SLC8A1: variants seen among roughly 807,000 people sequenced by gnomAD.
SLC8A1 encodes solute carrier family 8 member A1.
In SLC8A1, 18 loss-of-function variants were observed where a neutral mutation model predicts 68.3. That is an observed-to-expected ratio of 0.26 (90% CI 0.18 to 0.39). The LOEUF is 0.39. SLC8A1 is among the 10% of genes least tolerant of loss of function. The pLI is 1.00. For missense variants in SLC8A1, 985 were observed against 1,156.7 expected, an observed-to-expected ratio of 0.85 and a Z score of 2.15; for synonymous variants, 475 against 415.5, an observed-to-expected ratio of 1.14 and a Z score of -1.74.
chr2:40,220,453 ATTGAGCGGCCT>A (rs1235724993), intron 2 of SLC8A1: 1 of 152,162 alleles, frequency 6.6e-6, no homozygotes, highest in East Asian at 1.9e-4. Flanking sequence ...AAGGTCCTAA[ATTGAGCGGCCT>A]TTGGGCACAG....
At chr2:40,430,834 G>T (rs1698118069) in intron 1 of SLC8A1, among the ~76,000 whole-genome samples, 1 of 152,000 alleles carries the variant, frequency 6.6e-6, no homozygotes, top group Non-Finnish European at 1.5e-5. Flanking sequence ...CCAACACAAG[G>T]CCTGGTGATT....
intron 2 of SLC8A1, among the ~76,000 whole-genome samples, chr2:40,311,393 T>C (rs2073640365): frequency 6.6e-6 from 1 of 151,766 alleles, no homozygotes; most frequent in Admixed American, 6.6e-5. Context: ...TAAAAATAAA[T>C]AAATTTTAAA....
At chr2:40,455,242 A>C (rs1480659860), upstream of SLC8A1, among the ~76,000 whole-genome samples, 2 of 152,248 alleles carry the variant, frequency 1.3e-5, no homozygotes, top group Non-Finnish European at 2.9e-5. Context: ...TCTAGTCTAT[A>C]GAAAATTTAG....
At chr2:40,318,598 C>T (rs890233165) in intron 2 of SLC8A1, among the ~76,000 whole-genome samples, 5 of 152,054 alleles carry the variant, frequency 3.3e-5, no homozygotes, top group African/African-American at 1.2e-4. Flanking sequence ...ATACAAACTG[C>T]CTCCAACCAT....
chr2:40,205,829 A>AG (rs924358409), intron 2 of SLC8A1, among the ~76,000 whole-genome samples: 8 of 151,552 alleles, frequency 5.3e-5, no homozygotes, highest in East Asian at 1.9e-4. Flanking sequence ...AAAAAAAAAA[A>AG]AAAGAAAAAG....
rs1347047117 is a variant in SLC8A1, at chr2:40,235,699, C to G, written c.1809-57844G>C. On this transcript the variant is annotated intron_variant, in intron 2 of 7. Transcript: ENST00000406785. ...TCTTTTAATGGTGATGTTAGGGTGT[C>G]AATTTTGGATCTTTCCTGCTTTCTC... 3.8e-3 allele frequency among the ~76,000 whole-genome samples: 573 copies of G among 151,688 alleles called. 8 individuals are homozygous for G. In the East Asian group the frequency reaches 0.058, roughly 15 times the overall value.
intron 2 of SLC8A1, among the ~76,000 whole-genome samples, chr2:40,375,020 C>G (rs1679347619): frequency 6.6e-6 from 1 of 152,066 alleles, no homozygotes; most frequent in Non-Finnish European, 1.5e-5. Context: ...GGAGAGCTCT[C>G]TACCTCTGGC....
chr2:40,448,214 G>A (rs1013811240), intron 1 of SLC8A1, among the ~76,000 whole-genome samples: 4 of 152,060 alleles, frequency 2.6e-5, no homozygotes, highest in Admixed American at 2.0e-4. Context: ...TGTGTAAAAC[G>A]TATTTTGTAA....
intron 2 of SLC8A1, among the ~76,000 whole-genome samples, chr2:40,389,204 T>C (rs751127046): frequency 6.6e-6 from 1 of 152,122 alleles, no homozygotes; most frequent in Non-Finnish European, 1.5e-5. Flanking sequence ...AGAGAGGCTA[T>C]ACGGACAATT....
At chr2:40,505,914 C>T (rs1241077288) in intron 1 of SLC8A1, among the ~76,000 whole-genome samples, 2 of 151,958 alleles carry the variant, frequency 1.3e-5, no homozygotes, top group African/African-American at 4.8e-5. Flanking sequence ...TTGAGTTAGC[C>T]TAATTTCAGT....
intron 2 of SLC8A1, among the ~76,000 whole-genome samples, chr2:40,181,443 A>T (rs71439279): frequency 0.021 from 3,166 of 152,324 alleles, 62 homozygotes; most frequent in African/African-American, 0.051. Context: ...TCAAAGATGA[A>T]GAAAAAGAAA....
At chr2:40,370,314 C>G (rs1677619240) in intron 2 of SLC8A1, among the ~76,000 whole-genome samples, 4 of 152,060 alleles carry the variant, frequency 2.6e-5, no homozygotes, top group Admixed American at 2.6e-4. Flanking sequence ...ACACCAGAAC[C>G]CTAGGGAATC....
chr2:40,249,760 C>A (rs941699834), intron 2 of SLC8A1, among the ~76,000 whole-genome samples: 3 of 152,138 alleles, frequency 2.0e-5, no homozygotes, highest in Admixed American at 6.6e-5. Flanking sequence ...AGAGGACTGA[C>A]AAGCTATAAT....
intron 1 of SLC8A1, among the ~76,000 whole-genome samples, chr2:40,495,155 T>C (rs1045360773): frequency 6.6e-6 from 1 of 152,030 alleles, no homozygotes; most frequent in African/African-American, 2.4e-5. Context: ...TGATGCATGA[T>C]TTCTTGTGTT....
At chr2:40,340,646 G>C (rs1388965085) in intron 2 of SLC8A1, among the ~76,000 whole-genome samples, 1 of 152,146 alleles carries the variant, frequency 6.6e-6, no homozygotes, top group Non-Finnish European at 1.5e-5. Flanking sequence ...TTAGGGTTAG[G>C]ATTTTTGATA....
chr2:40,349,300 G>C (rs190186233), intron 2 of SLC8A1, among the ~76,000 whole-genome samples: 3 of 152,100 alleles, frequency 2.0e-5, no homozygotes, highest in African/African-American at 7.2e-5. Flanking sequence ...GGTTACAGTC[G>C]ACACTTTGAA....
At chr2:40,398,257 C>T (rs1191555751) in intron 2 of SLC8A1, among the ~76,000 whole-genome samples, 1 of 152,168 alleles carries the variant, frequency 6.6e-6, no homozygotes, top group Non-Finnish European at 1.5e-5. Context: ...GCTGATCTGG[C>T]CTCCAGTTTG....
intron 2 of SLC8A1, among the ~76,000 whole-genome samples, chr2:40,238,488 A>G (rs378702): frequency 0.14 from 21,589 of 151,898 alleles, 1,942 homozygotes; most frequent in African/African-American, 0.23. Context: ...GCACCCACTG[A>G]CCTGTGCCCA....
intron 2 of SLC8A1, among the ~76,000 whole-genome samples, chr2:40,309,984 C>T (rs1487113014): frequency 1.3e-5 from 2 of 152,158 alleles, no homozygotes; most frequent in Non-Finnish European, 1.5e-5. Context: ...TCCTGCTTTC[C>T]CTTCCCCTCA....
Sources: allele counts gnomAD v4.1 joint callset (sites outside exome capture counted in the v4.1 genomes callset), GRCh38; gene constraint gnomAD v4.1.1; transcripts MANE v1.5; gene names NCBI Gene and HGNC (gene_info 2026-07-23, HGNC 2026-07-21).